Variants in MAF observed in about 807,000 individuals in gnomAD.
MAF encodes the protein MAF bZIP transcription factor.
MAF carries 10 observed loss-of-function variants against 22.0 expected under a neutral mutation model. The ratio of observed to expected loss-of-function variants is 0.45; its 90% CI spans 0.28 to 0.77. The LOEUF (loss-of-function observed/expected upper bound fraction) is 0.77, where lower values mean the gene tolerates loss of function less well. Ranked by LOEUF, MAF falls within the 30% of genes least tolerant of loss-of-function variation. The pLI is 0.12. For synonymous variants in MAF, 337 were observed against 255.8 expected, an observed-to-expected ratio of 1.32 and a Z score of -3.03; for missense variants, 544 against 548.4, an observed-to-expected ratio of 0.99 and a Z score of 0.08.
the MAF span, among the ~76,000 whole-genome samples, chr16:79,383,850 C>G: frequency 2.0e-5 from 3 of 152,286 alleles, no homozygotes; most frequent in East Asian, 5.8e-4. Flanking sequence ...AAAGGATGAA[C>G]TAGTCATCAA....
chr16:79,592,663 C>T (rs1913255221), downstream of MAF, among the ~76,000 whole-genome samples: 1 of 152,152 alleles, frequency 6.6e-6, no homozygotes, highest in South Asian at 2.1e-4. Flanking sequence ...CCAAGTTTCT[C>T]TTATTTTCCT....
At chr16:79,231,737 G>C in the MAF span, among the ~76,000 whole-genome samples, 1 of 152,188 alleles carries the variant, frequency 6.6e-6, no homozygotes, top group South Asian at 2.1e-4. Flanking sequence ...TTTTTCTGTG[G>C]ACCGGAGTTA....
At chr16:79,257,296 GATTA>G in the MAF span, among the ~76,000 whole-genome samples, 1 of 152,182 alleles carries the variant, frequency 6.6e-6, no homozygotes, top group Admixed American at 6.5e-5. Flanking sequence ...GGTCTTGTGT[GATTA>G]AATAACGTGT....
the MAF span, among the ~76,000 whole-genome samples, chr16:79,474,493 G>A: frequency 2.0e-3 from 303 of 152,306 alleles, no homozygotes; most frequent in East Asian, 0.03. Flanking sequence ...AGGGAATGGT[G>A]TGGGCTCAGG....
chr16:79,538,130 A>G, the MAF span, among the ~76,000 whole-genome samples: 2 of 152,244 alleles, frequency 1.3e-5, no homozygotes, highest in Non-Finnish European at 2.9e-5. Flanking sequence ...ATTTTGAAAA[A>G]GAAGAATGAG....
At chr16:79,544,647 AC>A in the MAF span, among the ~76,000 whole-genome samples, 1 of 151,428 alleles carries the variant, frequency 6.6e-6, no homozygotes, top group African/African-American at 2.4e-5. Flanking sequence ...GGTGGCAGGT[AC>A]CTGTAGTCCC....
the MAF span, chr16:79,212,116 C>CTGTT: frequency 1.3e-6 from 2 of 1,535,456 alleles, no homozygotes; most frequent in South Asian, 1.2e-5. Flanking sequence ...CTTTCTTTTA[C>CTGTT]TGTTATAGAA....
the MAF span, among the ~76,000 whole-genome samples, chr16:79,392,272 G>GGAGAGAAGGAAGTGGGGAGAGAGA: frequency 6.8e-6 from 1 of 146,240 alleles, no homozygotes; most frequent in Non-Finnish European, 1.5e-5. Context: ...AGAAGGAGGA[G>GGAGAGAAGGAAGTGGGGAGAGAGA]GAGAGAAGGA....
At chr16:79,294,000 C>T in the MAF span, among the ~76,000 whole-genome samples, 1 of 152,156 alleles carries the variant, frequency 6.6e-6, no homozygotes, top group Non-Finnish European at 1.5e-5. Context: ...CACAGATTTG[C>T]TGTAATAAGG....
At chr16:79,300,788 C>G in the MAF span, among the ~76,000 whole-genome samples, 1 of 150,986 alleles carries the variant, frequency 6.6e-6, no homozygotes, top group Non-Finnish European at 1.5e-5. Context: ...CAGATAAGAG[C>G]AATGATTTGT....
rs1491081212 is a variant in MAF at position 79,594,426 on chromosome 16, TGA to T, written c.*32_*33del. 7 of 1,524,902 alleles carry T rather than the reference TGA, an allele frequency of 4.6e-6. No individual in the cohort carries two copies. The Admixed American group carries it at 7.9e-5, about 17-fold the overall frequency. The allele number at this position is 1,524,902 out of a possible 1,614,324, so 94.5% of individuals were successfully genotyped here. ...TGACTGCAAATAATAATAATAATGA[TGA>T]TTTTTTTTAATGTACAGCTCTCACA... On this transcript the variant is annotated 3_prime_UTR_variant, in exon 2 of 2. Coordinates refer to ENST00000326043, the MANE Select transcript of MAF (RefSeq NM_005360.5).
At chr16:79,346,727 T>A in the MAF span, among the ~76,000 whole-genome samples, 1 of 152,338 alleles carries the variant, frequency 6.6e-6, no homozygotes, top group South Asian at 2.1e-4. Flanking sequence ...ATAGTTATAC[T>A]GCATATTTGT....
At chr16:79,560,799 T>C in the MAF span, among the ~76,000 whole-genome samples, 1 of 152,154 alleles carries the variant, frequency 6.6e-6, no homozygotes, top group Non-Finnish European at 1.5e-5. Context: ...AATCCCTAGG[T>C]CACCTCCACT....
the MAF span, among the ~76,000 whole-genome samples, chr16:79,230,566 C>T: frequency 6.6e-6 from 1 of 152,142 alleles, no homozygotes; most frequent in African/African-American, 2.4e-5. Context: ...CCTGGTTCTA[C>T]AGCTGAGCAA....
chr16:79,525,767 C>T, the MAF span, among the ~76,000 whole-genome samples: 2 of 152,056 alleles, frequency 1.3e-5, no homozygotes, highest in Non-Finnish European at 2.9e-5. Context: ...GAAAATTTAA[C>T]GTATTTCTCA....
At chr16:79,494,016 T>A in the MAF span, among the ~76,000 whole-genome samples, 2 of 152,094 alleles carry the variant, frequency 1.3e-5, no homozygotes, top group Non-Finnish European at 2.9e-5. Context: ...GTCATTTCCA[T>A]GGTGACAGCA....
chr16:79,350,260 A>T, the MAF span, among the ~76,000 whole-genome samples: 1 of 152,276 alleles, frequency 6.6e-6, no homozygotes, highest in African/African-American at 2.4e-5. Flanking sequence ...GTTAACCAGC[A>T]CTTCTAAAAG....
chr16:79,228,800 G>A, the MAF span, among the ~76,000 whole-genome samples: 1 of 151,834 alleles, frequency 6.6e-6, no homozygotes. Context: ...TTAGGGCAGG[G>A]GGAGGTCCGC....
At chr16:79,496,421 T>A in the MAF span, among the ~76,000 whole-genome samples, 1 of 152,194 alleles carries the variant, frequency 6.6e-6, no homozygotes, top group Admixed American at 6.5e-5. Context: ...CTTAGAACTG[T>A]CGTACACAGT....
Sources: gnomAD v4.1 joint callset for allele counts (sites outside exome capture counted in the v4.1 genomes callset) on GRCh38, gnomAD v4.1.1 for gene constraint, MANE v1.5 for transcripts, NCBI Gene and HGNC (gene_info 2026-07-23, HGNC 2026-07-21) for gene names.